The following SPAG9 variants were observed in gnomAD, a reference collection of about 807,000 sequenced individuals.
The protein encoded by SPAG9 is C-Jun-amino-terminal kinase-interacting protein 4.
A neutral mutation model predicts 166.5 loss-of-function variants in SPAG9; 35 were observed. The observed-to-expected ratio is 0.21, with a 90% confidence interval of 0.16 to 0.28. SPAG9 has a LOEUF of 0.28. Ranked by LOEUF, SPAG9 falls within the 10% of genes least tolerant of loss-of-function variation. The pLI, the probability that SPAG9 is intolerant of heterozygous loss-of-function variation, is 1.00. For synonymous variants in SPAG9, 534 were observed against 565.5 expected (o/e 0.94, Z 0.79); for missense variants, 1,235 against 1,603.3 (o/e 0.77, Z 3.92).
chr17:51,069,555 G>C (rs892000182), intron 2 of SPAG9, among the ~76,000 whole-genome samples: 1 of 151,542 alleles, frequency 6.6e-6, no homozygotes, highest in South Asian at 2.1e-4. Context: ...TTGTGTTGAA[G>C]GTCTGTTTTA....
At chr17:51,060,504 TTAAAAAAA>T (rs2047478433) in intron 2 of SPAG9, among the ~76,000 whole-genome samples, 1 of 138,042 alleles carries the variant, frequency 7.2e-6, no homozygotes, top group Non-Finnish European at 1.5e-5. Flanking sequence ...CTTTGTCTTT[TTAAAAAAA>T]AAAAAAAAAA....
chr17:50,995,554 A>C (rs113418837), intron 16 of SPAG9, 21 bp from the exon 17 acceptor site: 1 of 1,479,150 alleles, frequency 6.8e-7, no homozygotes, highest in Non-Finnish European at 9.5e-7. Context: ...TGGAAGGAGG[A>C]GTGAAAAAGG....
intron 6 of SPAG9, among the ~76,000 whole-genome samples, chr17:51,026,719 C>G (rs1197574319): frequency 6.7e-6 from 1 of 149,514 alleles, no homozygotes; most frequent in Non-Finnish European, 1.5e-5. Context: ...CTTGTTGCCC[C>G]AGGCTGTAGT....
At chr17:50,993,701 C>T in intron 19 of SPAG9, 63 bp downstream of exon 19, 18 of 1,524,310 alleles carry the variant, frequency 1.2e-5, no homozygotes, top group Non-Finnish European at 1.4e-5. Context: ...TCAGCTGCTA[C>T]ATCAGTGCCC....
chr17:51,035,154 T>A (rs1447679086), intron 5 of SPAG9, among the ~76,000 whole-genome samples: 3 of 152,096 alleles, frequency 2.0e-5, no homozygotes, highest in Non-Finnish European at 4.4e-5. Flanking sequence ...TAATAAAAAT[T>A]TTTTTTAAAA....
At chr17:50,992,248 T>C (rs1242735373) in intron 19 of SPAG9, among the ~76,000 whole-genome samples, 1 of 152,128 alleles carries the variant, frequency 6.6e-6, no homozygotes, top group African/African-American at 2.4e-5. Context: ...AATGTGCCTA[T>C]TCTAGATATC....
chr17:51,092,612 T>C (rs2048497084), intron 1 of SPAG9, among the ~76,000 whole-genome samples: 1 of 151,836 alleles, frequency 6.6e-6, no homozygotes, highest in African/African-American at 2.4e-5. Flanking sequence ...TGCCTTAATA[T>C]TATGGTGAAA....
At chr17:50,985,146 TG>T (rs906953527) in intron 23 of SPAG9, among the ~76,000 whole-genome samples, 156 bp from the exon 24 acceptor site, 2 of 152,240 alleles carry the variant, frequency 1.3e-5, no homozygotes, top group African/African-American at 4.8e-5. Context: ...TTCTTCACTG[TG>T]GATGTCCTGC....
chr17:50,994,968 T>C (rs1046773809), intron 18 of SPAG9, 89 bp downstream of exon 18: 1 of 908,850 alleles, frequency 1.1e-6, no homozygotes, highest in Non-Finnish European at 1.7e-6. Context: ...GTAATCCCAA[T>C]TAGAAGCTGG....
At chr17:50,976,900 AC>A in intron 27 of SPAG9, 1 of 425,150 alleles carries the variant, frequency 2.4e-6, no homozygotes, top group Non-Finnish European at 4.2e-6. Context: ...AAATGTTTTG[AC>A]AACGAAAAAC....
At chr17:51,053,893 AT>A (rs1568045182) in intron 3 of SPAG9, among the ~76,000 whole-genome samples, 20 of 119,500 alleles carry the variant, frequency 1.7e-4, no homozygotes, top group South Asian at 8.0e-4. Flanking sequence ...ATATATATAT[AT>A]ATATAAAACA....
chr17:50,970,800 C>T lies in SPAG9; in HGVS notation c.3757G>A (p.Ala1253Thr), dbSNP rs201560209. 58 of 1,613,946 alleles carry T rather than the reference C, an allele frequency of 3.6e-5. No individual in the cohort carries two copies. The highest frequency in any genetic ancestry group is 4.4e-5 in the Non-Finnish European group (52 of 1,180,000). Residue 1253 changes from alanine (A) to threonine (T), a missense_variant, in exon 29 of 30, where the codon GCA becomes ACA. Ala to Thr is a moderately conservative substitution (Grantham distance 58, BLOSUM62 0). Coordinates refer to ENST00000262013, the MANE Select transcript of SPAG9 (RefSeq NM_001130528.3). Reference protein sequence around the residue: ...SSGTDLTGDKAGPSAQEPGSQ... With the variant: ...SSGTDLTGDKTGPSAQEPGSQ... ...CCAGGCTCCTGTGCAGATGGCCCTGCTTTGTCACCCGTCAGATCCGTGCCA... is the reference window on the plus strand; with the variant it reads ...CCAGGCTCCTGTGCAGATGGCCCTGTTTTGTCACCCGTCAGATCCGTGCCA...
chr17:51,081,784 C>T (rs577080694), intron 1 of SPAG9, among the ~76,000 whole-genome samples: 6 of 152,064 alleles, frequency 3.9e-5, no homozygotes, highest in African/African-American at 7.2e-5. Flanking sequence ...CTGCTTAAAA[C>T]GCTCTAGTGG....
intron 2 of SPAG9, among the ~76,000 whole-genome samples, chr17:51,074,777 T>G (rs2047919554): frequency 6.6e-6 from 1 of 152,092 alleles, no homozygotes; most frequent in African/African-American, 2.4e-5. Context: ...AATGAGAAGA[T>G]GGATACCACA....
intron 2 of SPAG9, among the ~76,000 whole-genome samples, chr17:51,072,558 C>T (rs111300944): frequency 0.012 from 1,875 of 151,734 alleles, 41 homozygotes; most frequent in African/African-American, 0.042. Context: ...TGGCACGCAC[C>T]TGAAGTCCCA....
At chr17:51,010,372 A>G (rs940828693) in intron 9 of SPAG9, among the ~76,000 whole-genome samples, 7 of 152,056 alleles carry the variant, frequency 4.6e-5, no homozygotes, top group Admixed American at 2.0e-4. Context: ...ACAGTGAACA[A>G]AGACACAGTT....
At chr17:51,045,830 A>G (rs181685690) in intron 4 of SPAG9, among the ~76,000 whole-genome samples, 1 of 152,310 alleles carries the variant, frequency 6.6e-6, no homozygotes, top group Admixed American at 6.5e-5. Context: ...AGGCATGGAT[A>G]TTTGTCACCC....
chr17:50,974,670 G>T, intron 28 of SPAG9, 101 bp downstream of exon 28: 1 of 989,288 alleles, frequency 1.0e-6, no homozygotes, highest in Non-Finnish European at 1.4e-6. Context: ...GAAATTACCT[G>T]CAATTCGAGT....
At chr17:51,095,078 G>C (rs888567181) in intron 1 of SPAG9, among the ~76,000 whole-genome samples, 1 of 150,216 alleles carries the variant, frequency 6.7e-6, no homozygotes, top group African/African-American at 2.5e-5. Flanking sequence ...CATGGATCAC[G>C]AGGTCAGGAG....
Sources: allele counts gnomAD v4.1 joint callset (sites outside exome capture counted in the v4.1 genomes callset), GRCh38; gene constraint gnomAD v4.1.1; transcripts MANE v1.5; gene names NCBI Gene and HGNC (gene_info 2026-07-23, HGNC 2026-07-21).